ATXN7L1: variants seen among roughly 807,000 people sequenced by gnomAD.
The protein encoded by ATXN7L1 is ataxin-7-like protein 1.
Under a neutral mutation model 70.8 loss-of-function variants are expected in ATXN7L1, and 15 were observed. The observed-to-expected ratio is 0.21, with a 90% CI of 0.14 to 0.33. ATXN7L1 has a LOEUF of 0.33. Among genes scored for constraint, ATXN7L1 ranks in the 10% least tolerant of loss-of-function variants. The probability of loss-of-function intolerance (pLI) is 1.00; values close to 1 mark genes in which losing one functional copy is unlikely to be tolerated. For missense variants in ATXN7L1, 975 were observed against 1,097.1 expected (o/e 0.89, Z 1.57); for synonymous variants, 440 against 445.1 (o/e 0.99, Z 0.14).
chr7:105,639,048 G>A (rs1797775714), intron 6 of ATXN7L1, among the ~76,000 whole-genome samples: 1 of 152,088 alleles, frequency 6.6e-6, no homozygotes, highest in Non-Finnish European at 1.5e-5. Context: ...ACCCAATGGC[G>A]GCCGCCTTGG....
chr7:105,794,642 T>C (rs1805731281), intron 2 of ATXN7L1, among the ~76,000 whole-genome samples: 2 of 152,218 alleles, frequency 1.3e-5, no homozygotes, highest in South Asian at 2.1e-4. Context: ...GAAATCATTA[T>C]ATTAATTTAA....
intron 3 of ATXN7L1, among the ~76,000 whole-genome samples, chr7:105,708,284 A>G (rs521572): frequency 0.19 from 29,349 of 152,078 alleles, 2,949 homozygotes; most frequent in African/African-American, 0.26. Context: ...TTTAAAATGA[A>G]GGATTATATT....
intron 2 of ATXN7L1, among the ~76,000 whole-genome samples, chr7:105,816,963 G>C (rs543520824): frequency 6.6e-6 from 1 of 152,364 alleles, no homozygotes; most frequent in Non-Finnish European, 1.5e-5. Context: ...GCTCAGCAAA[G>C]AGGATACAAA....
chr7:105,782,200 G>A (rs560558261), intron 3 of ATXN7L1, among the ~76,000 whole-genome samples: 1 of 152,128 alleles, frequency 6.6e-6, no homozygotes, highest in Non-Finnish European at 1.5e-5. Flanking sequence ...AGGCTCACAC[G>A]CCATGTCAAT....
intron 2 of ATXN7L1, among the ~76,000 whole-genome samples, chr7:105,825,144 T>C (rs1034435946): frequency 5.9e-5 from 9 of 152,190 alleles, no homozygotes; most frequent in African/African-American, 2.2e-4. Flanking sequence ...CAACTTTGAA[T>C]GTTCTGTAGC....
chr7:105,751,219 G>A (rs1317391721), intron 3 of ATXN7L1, among the ~76,000 whole-genome samples: 1 of 152,178 alleles, frequency 6.6e-6, no homozygotes, highest in Non-Finnish European at 1.5e-5. Context: ...GGATGGGAAG[G>A]TGGGAGGGAG....
At chr7:105,690,129 C>T (rs377394958) in intron 3 of ATXN7L1, among the ~76,000 whole-genome samples, 184 of 152,268 alleles carry the variant, frequency 1.2e-3, no homozygotes, top group African/African-American at 4.2e-3. Context: ...CTCAGCCTCC[C>T]GAGTAGCTGG....
At chr7:105,870,265 G>C (rs1020914021) in intron 2 of ATXN7L1, among the ~76,000 whole-genome samples, 1 of 128,202 alleles carries the variant, frequency 7.8e-6, no homozygotes, top group Non-Finnish European at 1.6e-5. Context: ...CTGGGTGACA[G>C]AGGGAGACTC....
intron 2 of ATXN7L1, among the ~76,000 whole-genome samples, chr7:105,858,894 T>C (rs1425188920): frequency 6.6e-6 from 1 of 151,798 alleles, no homozygotes; most frequent in Non-Finnish European, 1.5e-5. Flanking sequence ...AAAATATGTA[T>C]ACATATATAT....
intron 9 of ATXN7L1, among the ~76,000 whole-genome samples, chr7:105,618,684 T>C (rs1012016324): frequency 1.3e-5 from 2 of 152,196 alleles, no homozygotes; most frequent in African/African-American, 4.8e-5. Flanking sequence ...GGGCCTCAGC[T>C]GTTGTCCTTC....
intron 2 of ATXN7L1, among the ~76,000 whole-genome samples, chr7:105,801,422 C>T (rs962715594): frequency 6.6e-6 from 1 of 152,202 alleles, no homozygotes; most frequent in Non-Finnish European, 1.5e-5. Flanking sequence ...TGGAGTCGAG[C>T]AGAATGCTTT....
intron 3 of ATXN7L1, among the ~76,000 whole-genome samples, chr7:105,732,792 C>T (rs925698487): frequency 2.0e-5 from 3 of 152,194 alleles, no homozygotes; most frequent in Admixed American, 6.5e-5. Flanking sequence ...CTGTCTGCCT[C>T]GTTTACTTCC....
rs145078971 is a variant in ATXN7L1, at chr7:105,697,966, G to A, written c.356-32678C>T. Among the ~76,000 whole-genome samples the A allele has an allele frequency of 1.4e-3, 213 of 152,248 alleles. 2 individuals are homozygous for A. Among genetic ancestry groups the A allele is most frequent in the African/African-American group, 4.8e-3 (201 of 41,558 alleles). On this transcript the variant is annotated intron_variant, in intron 3 of 11. Transcript: ENST00000419735. Reference sequence around the variant, plus strand: ...GTGGAAGAGGAAGCTGGGCAGGGACGAGCACTGTCTTTATACATGGTCTGG... The same window carrying A: ...GTGGAAGAGGAAGCTGGGCAGGGACAAGCACTGTCTTTATACATGGTCTGG...
intron 2 of ATXN7L1, among the ~76,000 whole-genome samples, chr7:105,870,978 T>C (rs1406643003): frequency 1.2e-4 from 19 of 152,174 alleles, no homozygotes; most frequent in Non-Finnish European, 7.3e-5. Context: ...AGAATATTGC[T>C]TGTGTATGAG....
intron 2 of ATXN7L1, among the ~76,000 whole-genome samples, chr7:105,846,855 A>T (rs1312824129): frequency 1.3e-5 from 2 of 152,254 alleles, no homozygotes; most frequent in Admixed American, 1.3e-4. Context: ...GAAGCCACAC[A>T]TAAAAGGCCA....
intron 4 of ATXN7L1, among the ~76,000 whole-genome samples, chr7:105,645,119 G>A (rs1383683541): frequency 6.6e-6 from 1 of 151,946 alleles, no homozygotes; most frequent in Admixed American, 6.6e-5. Flanking sequence ...TTTTTTTAAT[G>A]CCCGTTGAAC....
intron 3 of ATXN7L1, among the ~76,000 whole-genome samples, chr7:105,764,243 G>A (rs1006219066): frequency 4.0e-5 from 6 of 151,802 alleles, no homozygotes; most frequent in Admixed American, 1.3e-4. Flanking sequence ...TCAGTTTAAC[G>A]GAGCAAAATC....
chr7:105,662,195 C>CAGG (rs1281013314), intron 4 of ATXN7L1, among the ~76,000 whole-genome samples: 1 of 151,466 alleles, frequency 6.6e-6, no homozygotes, highest in Non-Finnish European at 1.5e-5. Context: ...CTCCAACTCC[C>CAGG]AGGTTCAAGA....
In ATXN7L1 at chr7:105,788,582, G is replaced by A. The variant is rs777849615; in HGVS notation, c.355+22C>T. 6.0e-5 allele frequency: 95 copies of A among 1,576,800 alleles called. No individual in the cohort carries two copies. The East Asian group carries it at 6.5e-4, about 11-fold the overall frequency. ...CAGGGCGGCAGCTGCAGATGTGGCC[G>A]ACGGTGCAGGGGTCCACTTACCGCA... On this transcript the variant is annotated intron_variant, in intron 3 of 11. Transcript: ENST00000419735.
Sources: allele counts gnomAD v4.1 joint callset (sites outside exome capture counted in the v4.1 genomes callset), GRCh38; gene constraint gnomAD v4.1.1; transcripts MANE v1.5; gene names NCBI Gene and HGNC (gene_info 2026-07-23, HGNC 2026-07-21).